Variants in POLRMT observed in about 807,000 individuals in gnomAD.
The protein encoded by POLRMT is RNA polymerase mitochondrial, also known as DNA-directed RNA polymerase, mitochondrial.
In POLRMT, 114 loss-of-function variants were observed where a neutral mutation model predicts 132.2. The observed-to-expected ratio is 0.86, with a 90% confidence interval of 0.74 to 1.01. The LOEUF (loss-of-function observed/expected upper bound fraction) is 1.01, where lower values mean the gene tolerates loss of function less well. Among genes scored for constraint, POLRMT ranks in the 50% least tolerant of loss-of-function variants. The pLI, the probability that POLRMT is intolerant of heterozygous loss-of-function variation, is 0.00. For missense variants in POLRMT, 2,003 were observed against 1,729.1 expected (o/e 1.16, Z -2.81); for synonymous variants, 1,020 against 773.4 (o/e 1.32, Z -5.29).
chr19:628,240 A>C (rs1423782423), intron 3 of POLRMT, among the ~76,000 whole-genome samples: 1 of 152,160 alleles, frequency 6.6e-6, no homozygotes. Context: ...CAGGTTTGGG[A>C]CACTTTCGTA....
Position 618,557 on chromosome 19 carries a change from C to T in POLRMT, c.3353G>A (p.Gly1118Asp). The T allele has an allele frequency of 1.2e-6, 2 of 1,613,390 alleles. No individual in the cohort carries two copies. The highest frequency in any genetic ancestry group is 1.7e-6 in the Non-Finnish European group (2 of 1,179,556). Residue 1118 changes from glycine (G) to aspartate (D), a missense_variant, in exon 17 of 21, where the codon GGC becomes GAC. Physicochemically the swap from Gly to Asp is moderately conservative, Grantham distance 94. Coordinates refer to ENST00000588649, the MANE Select transcript of POLRMT (RefSeq NM_005035.4). ...RKPNTRKQKNGFPPNFIHSLD... is the reference protein window; with the variant it reads ...RKPNTRKQKNDFPPNFIHSLD... The stretch of plus-strand genomic sequence containing the variant: ...CGAGTGGATGAAGTTGGGCGGGAAG[C>T]CGTTCTTCTGCTTACGTGTGTTGGG...
chr19:629,946 C>T lies in POLRMT; in HGVS notation c.416G>A (p.Arg139Gln), dbSNP rs747833144. 20 of 1,613,624 alleles carry T rather than the reference C, an allele frequency of 1.2e-5. No individual in the cohort carries two copies. The highest frequency in any genetic ancestry group is 1.7e-4 in the Middle Eastern group (1 of 5,912). Residue 139 changes from arginine (R) to glutamine (Q), a missense_variant, in exon 3 of 21, where the codon CGG becomes CAG. Arg to Gln is a conservative substitution (Grantham distance 43). Transcript: ENST00000588649. ...DKRTQQMRMQRLKAKLQMPFQ... is the reference protein window; with the variant it reads ...DKRTQQMRMQQLKAKLQMPFQ... ...TGGCATCTGCAGCTTCGCCTTCAAC[C>T]GCTGCATACGCATCTGCTGGGTCCG...
At chr19:630,278 G>T in intron 2 of POLRMT, 110 bp from the exon 3 acceptor site, 2 of 1,302,864 alleles carry the variant, frequency 1.5e-6, no homozygotes, top group Non-Finnish European at 2.1e-6. Flanking sequence ...AGCTCGCTGG[G>T]ACCCAAGGCG....
At chr19:632,447 G>T (rs1312574080) in intron 2 of POLRMT, among the ~76,000 whole-genome samples, 5 of 151,662 alleles carry the variant, frequency 3.3e-5, no homozygotes, top group African/African-American at 1.2e-4. Context: ...GTCTCCATTA[G>T]GCGCCTACCC....
rs1985454235 is a variant in POLRMT at position 632,028 on chromosome 19, C to T, written c.193+806G>A. ...GACCTCTTGATCCGCCCGCCTCGGC[C>T]TCCCAAAGTGCTGGGATTACAGGCG... is the stretch of plus-strand genomic sequence containing the variant. On this transcript the variant is annotated intron_variant, in intron 2 of 20. Transcript: ENST00000588649. 2.0e-5 allele frequency among the ~76,000 whole-genome samples: 3 copies of T among 152,210 alleles called. No individual in the cohort carries two copies. The South Asian group carries it at 6.2e-4, about 32-fold the overall frequency.
rs1984939010 is a variant in POLRMT at position 625,201 on chromosome 19, C to T, written c.876G>A (p.Leu292=). 4.3e-6 allele frequency: 7 copies of T among 1,614,084 alleles called. No homozygotes were observed. Among genetic ancestry groups the T allele is most frequent in the Non-Finnish European group, 5.1e-6 (6 of 1,179,996 alleles). ...CCGCATAGGACAGCAGGTCCGGAGT[C>T]AAGCCGGCATCCTTCACCATGAATA... ...YVLFMVKDAG[L]TPDLLSYAAA... Residue 292 remains leucine (L), a synonymous_variant, in exon 4 of 21, where the codon TTG becomes TTA. Coordinates refer to ENST00000588649, the MANE Select transcript of POLRMT (RefSeq NM_005035.4).
intron 3 of POLRMT, among the ~76,000 whole-genome samples, chr19:626,683 T>C (rs1328827127): frequency 1.1e-5 from 1 of 90,440 alleles, no homozygotes; most frequent in Admixed American, 1.1e-4. Context: ...CTGTGCTCCC[T>C]CCACTAAAAA....
intron 11 of POLRMT, 82 bp from the exon 12 acceptor site, chr19:620,162 C>T (rs576115042): frequency 9.8e-5 from 149 of 1,512,986 alleles, no homozygotes; most frequent in Middle Eastern, 3.4e-4. Context: ...CAGGTCGAGC[C>T]GTTCCTAGGG....
In POLRMT at chr19:621,334, G is replaced by A; in HGVS notation, c.2364C>T (p.His788=). 2 of 1,591,184 alleles carry A rather than the reference G, an allele frequency of 1.3e-6. No individual in the cohort carries two copies. Among genetic ancestry groups the A allele is most frequent in the Non-Finnish European group, 1.7e-6 (2 of 1,175,510 alleles). The change falls in exon 10 of 21, where the codon CAC becomes CAT. Residue 788 remains histidine, a synonymous_variant. Coordinates refer to ENST00000588649, the MANE Select transcript of POLRMT (RefSeq NM_005035.4). ...GCAGCCAGAAGACGCGGTCCCGCAG[G>A]TGCTGCGCCAGCGAGAGGCGGTACA... is the stretch of plus-strand genomic sequence containing the variant. The part of the protein sequence containing the change: ...EALYRLSLAQ[H]LRDRVFWLPH...
rs567378965 is a variant in POLRMT, at chr19:619,221, G to A, written c.3142C>T (p.Arg1048Trp). 13 of 1,610,760 alleles carry A rather than the reference G, an allele frequency of 8.1e-6. No individual in the cohort carries two copies. The highest frequency in any genetic ancestry group is 6.6e-5 in the South Asian group (6 of 90,910). Residue 1048 changes from arginine (R) to tryptophan (W), a missense_variant, in exon 14 of 21, where the codon CGG (arginine) becomes TGG (tryptophan). By Grantham distance (101) the Arg-to-Trp change is moderately radical. Coordinates refer to ENST00000588649, the MANE Select transcript of POLRMT (RefSeq NM_005035.4). ...KSLQEMFSGT[R>W]AIQHWLTESA... ...AGGACAGGACGTACCTGGATGGCCCGGGTCCCCGAGAACATCTCCTGTAGA... is the reference window on the plus strand; with the variant it reads ...AGGACAGGACGTACCTGGATGGCCCAGGTCCCCGAGAACATCTCCTGTAGA...
intron 2 of POLRMT, among the ~76,000 whole-genome samples, chr19:632,156 G>A (rs952052547): frequency 3.3e-5 from 5 of 151,710 alleles, no homozygotes; most frequent in Admixed American, 2.0e-4. Flanking sequence ...ACCAGGCCTC[G>A]AACCCCCGAC....
In POLRMT at chr19:625,101, G is replaced by A. The variant is rs750627767; in HGVS notation, c.953+23C>T. ...CCTGGGAGGGACATGGTGGGGGGTG[G>A]GGGCCCTCCCGACACCACCTACCTT... On this transcript the variant is annotated intron_variant, in intron 4 of 20. Transcript: ENST00000588649. 8 of 1,605,644 alleles carry A rather than the reference G, an allele frequency of 5.0e-6. 1 individual carries two copies. The East Asian group carries it at 1.3e-4, about 27-fold the overall frequency.
intron 2 of POLRMT, among the ~76,000 whole-genome samples, 195 bp from the exon 3 acceptor site, chr19:630,363 C>CG (rs2144697817): frequency 6.6e-6 from 1 of 152,308 alleles, no homozygotes; most frequent in South Asian, 2.1e-4. Context: ...CCACCACCTC[C>CG]GCACCTCCCC....
At chr19:624,595 A>C in intron 5 of POLRMT, 124 bp downstream of exon 5, 4 of 1,112,646 alleles carry the variant, frequency 3.6e-6, no homozygotes, top group Non-Finnish European at 5.0e-6. Flanking sequence ...GAAGGGAGGA[A>C]TTCAGGGCCC....
intron 3 of POLRMT, chr19:625,518 T>A: frequency 2.3e-6 from 1 of 430,300 alleles, no homozygotes. Flanking sequence ...CCTCCAGATT[T>A]GTCAATTGTG....
chr19:621,549 C>G lies in POLRMT; in HGVS notation c.2149G>C (p.Val717Leu). The part of the protein sequence containing the change: ...WRVNGRVLDL[V>L]LQLFQAKGCP... ...CCCTTGGCCTGGAAGAGCTGCAGCA[C>G]CAGGTCCAGCACGCGCCCGTTGACG... Residue 717 changes from valine to leucine, a missense_variant, in exon 10 of 21, where the codon GTG becomes CTG. Val to Leu is a conservative substitution (Grantham distance 32, BLOSUM62 1). Transcript: ENST00000588649. 1.4e-6 allele frequency: 2 copies of G among 1,417,226 alleles called. No individual in the cohort carries two copies. The highest frequency in any genetic ancestry group is 1.8e-6 in the Non-Finnish European group (2 of 1,092,916). The allele number at this position is 1,417,226 out of a possible 1,614,324, so 87.8% of individuals were successfully genotyped here.
At position 621,442 on chromosome 19, in the gene POLRMT, G is replaced by C; in HGVS notation, c.2256C>G (p.Pro752=). The C allele has an allele frequency of 6.9e-7, 1 of 1,440,598 alleles. No individual in the cohort carries two copies. Among genetic ancestry groups the C allele is most frequent in the Non-Finnish European group, 9.1e-7 (1 of 1,102,164 alleles). The allele number at this position is 1,440,598 out of a possible 1,614,324, so 89.2% of individuals were successfully genotyped here. ...CACGGCGCAGCTCGGCCTTGCGGGCGGGCGCGGCGCTGTGCGGCAGGTGGG... is the reference window on the plus strand; with the variant it reads ...CACGGCGCAGCTCGGCCTTGCGGGCCGGCGCGGCGCTGTGCGGCAGGTGGG... The part of the protein sequence containing the change: ...PEAHLPHSAA[P]ARKAELRREL... Residue 752 remains proline (P), a synonymous_variant, in exon 10 of 21, where the codon CCC becomes CCG. Transcript: ENST00000588649.
chr19:622,105 TCCCAGCGGGATGCCC>T (rs1408489275), intron 9 of POLRMT, 29 bp downstream of exon 9: 5 of 1,488,550 alleles, frequency 3.4e-6, no homozygotes, highest in Non-Finnish European at 4.5e-6. Flanking sequence ...TCCCTGGTCC[TCCCAGCGGGATGCCC>T]CCCAGCTCAG....
Position 618,369 on chromosome 19 carries a change from G to C in POLRMT, c.3422+119C>G, listed in dbSNP as rs950863076. On this transcript the variant is annotated intron_variant, in intron 17 of 20. Transcript: ENST00000588649. The stretch of plus-strand genomic sequence containing the variant: ...CCTCTACACAGGCCCCACAGACACA[G>C]CAGATCCACTCTGCCCAGTCCCTGC... The C allele has an allele frequency of 1.2e-5, 9 of 765,360 alleles. No individual in the cohort carries two copies. In the Admixed American group the frequency reaches 2.6e-4, roughly 22 times the overall value. 47.4% of individuals were successfully genotyped at this position (765,360 alleles called of 1,614,324 possible).
Sources: allele counts gnomAD v4.1 joint callset (sites outside exome capture counted in the v4.1 genomes callset), GRCh38; gene constraint gnomAD v4.1.1; transcripts MANE v1.5; gene names NCBI Gene and HGNC (gene_info 2026-07-23, HGNC 2026-07-21).